TCF7L2: variants seen among roughly 807,000 people sequenced by gnomAD.
The protein encoded by TCF7L2 is transcription factor 7 like 2.
Under a neutral mutation model 77.9 loss-of-function variants are expected in TCF7L2, and 23 were observed. The ratio of observed to expected loss-of-function variants is 0.30; its 90% CI spans 0.21 to 0.42. The LOEUF (loss-of-function observed/expected upper bound fraction) is 0.42, where lower values mean the gene tolerates loss of function less well. Ranked by LOEUF, TCF7L2 falls within the 10% of genes least tolerant of loss-of-function variation. TCF7L2 has a pLI of 1.00. For synonymous variants in TCF7L2, 413 were observed against 340.2 expected, an observed-to-expected ratio of 1.21 and a Z score of -2.36; for missense variants, 654 against 793.1, an observed-to-expected ratio of 0.82 and a Z score of 2.11.
At position 113,165,859 on chromosome 10, in the gene TCF7L2, G is replaced by T. The variant is rs945443027; in HGVS notation, c.1696G>T (p.Ala566Ser). ...CCTGCCCCCAGCCGCTTTGCAGCCT[G>T]CCGCCCCCTCCTCATCAATTGCACA... Residue 566 changes from alanine (A) to serine (S), a missense_variant, in exon 14 of 14, where the codon GCC becomes TCC. Transcript: ENST00000627217. The T allele has an allele frequency of 1.3e-5, 21 of 1,607,078 alleles. No homozygotes were observed. In the South Asian group the frequency reaches 2.3e-4, roughly 18 times the overall value.
chr10:113,104,209 TA>T (rs945108125), intron 5 of TCF7L2, among the ~76,000 whole-genome samples: 1 of 152,176 alleles, frequency 6.6e-6, no homozygotes, highest in Non-Finnish European at 1.5e-5. Context: ...TTGCCTTTGT[TA>T]AAGGAGGAAC....
chr10:113,059,041 G>A (rs1396234780), intron 5 of TCF7L2, among the ~76,000 whole-genome samples: 1 of 152,134 alleles, frequency 6.6e-6, no homozygotes, highest in African/African-American at 2.4e-5. Flanking sequence ...GGTGGGAGTG[G>A]GGGATAAAAA....
chr10:112,966,184 T>TTATATTTATATATA (rs1554876897), intron 4 of TCF7L2, among the ~76,000 whole-genome samples: 4 of 114,280 alleles, frequency 3.5e-5, no homozygotes, highest in Admixed American at 1.6e-4. Context: ...TAAAATATAT[T>TTATATTTATATATA]TATATATATA....
chr10:113,081,298 A>G (rs1224669825), intron 5 of TCF7L2, among the ~76,000 whole-genome samples: 1 of 152,248 alleles, frequency 6.6e-6, no homozygotes, highest in Non-Finnish European at 1.5e-5. Context: ...TACAGCACAC[A>G]ACACGCACCA....
At chr10:113,040,169 G>A (rs202073111) in intron 5 of TCF7L2, 43 bp downstream of exon 5, 9 of 1,561,552 alleles carry the variant, frequency 5.8e-6, no homozygotes, top group Admixed American at 1.8e-5. Context: ...TATTGAGGGG[G>A]TGAAAAAGAA....
At chr10:113,069,260 C>T (rs1388418948) in intron 5 of TCF7L2, among the ~76,000 whole-genome samples, 1 of 150,580 alleles carries the variant, frequency 6.6e-6, no homozygotes, top group Non-Finnish European at 1.5e-5. Flanking sequence ...GACAGAGTCT[C>T]GCTCCTACAC....
chr10:113,107,752 T>TAAAAAAAACAAAAAAAA (rs2062556526), intron 5 of TCF7L2, among the ~76,000 whole-genome samples: 1 of 55,250 alleles, frequency 1.8e-5, no homozygotes, highest in Non-Finnish European at 3.4e-5. Context: ...AGACTCCGTC[T>TAAAAAAAACAAAAAAAA]AAAAAAAAAA....
At chr10:113,035,436 A>ATGAC (rs2051011397) in intron 4 of TCF7L2, among the ~76,000 whole-genome samples, 1 of 152,216 alleles carries the variant, frequency 6.6e-6, no homozygotes, top group South Asian at 2.1e-4. Flanking sequence ...TGAGTTAAGA[A>ATGAC]TGACTTTTTA....
chr10:113,004,363 T>A (rs2045110635), intron 4 of TCF7L2, among the ~76,000 whole-genome samples: 1 of 152,142 alleles, frequency 6.6e-6, no homozygotes, highest in Non-Finnish European at 1.5e-5. Context: ...GAGCTGCAGA[T>A]GGGTGTGGAA....
intron 4 of TCF7L2, among the ~76,000 whole-genome samples, chr10:112,978,592 G>A (rs975690219): frequency 4.7e-5 from 7 of 150,054 alleles, no homozygotes; most frequent in Non-Finnish European, 8.9e-5. Context: ...CAGCCCTCCC[G>A]AGTAGCTGGG....
intron 4 of TCF7L2, among the ~76,000 whole-genome samples, chr10:112,986,652 G>C (rs1449098266): frequency 6.6e-6 from 1 of 152,142 alleles, no homozygotes; most frequent in African/African-American, 2.4e-5. Context: ...GTTTCTCTCT[G>C]GTGGAAAAAT....
intron 5 of TCF7L2, among the ~76,000 whole-genome samples, chr10:113,088,245 G>C (rs574246393): frequency 1.3e-5 from 2 of 152,060 alleles, no homozygotes; most frequent in Non-Finnish European, 2.9e-5. Context: ...TATAGAGCCT[G>C]TTTATAGAGC....
chr10:113,144,104 G>C (rs968527898), intron 7 of TCF7L2, 79 bp downstream of exon 7: 12 of 69,950 alleles, frequency 1.7e-4, no homozygotes, highest in Non-Finnish European at 2.3e-4. Flanking sequence ...GTGTGTCTGT[G>C]TGTGTGTGTG....
At chr10:113,073,164 T>C (rs201916579) in intron 5 of TCF7L2, among the ~76,000 whole-genome samples, 5 of 116,110 alleles carry the variant, frequency 4.3e-5, no homozygotes, top group African/African-American at 6.8e-5. Flanking sequence ...GAGAGAGAGA[T>C]AGAGAGAAAC....
At chr10:113,022,056 A>G (rs77479915) in intron 4 of TCF7L2, among the ~76,000 whole-genome samples, 127 of 152,362 alleles carry the variant, frequency 8.3e-4, no homozygotes, top group Non-Finnish European at 1.6e-3. Context: ...AGAGGAGGAA[A>G]AAAAAATCAA....
intron 5 of TCF7L2, among the ~76,000 whole-genome samples, chr10:113,096,275 G>A (rs574983962): frequency 4.6e-5 from 7 of 152,266 alleles, no homozygotes; most frequent in East Asian, 1.9e-4. Context: ...CAAGGTAGAT[G>A]TTTGGAATTT....
At chr10:112,961,254 ACCC>A (rs372246814) in intron 3 of TCF7L2, among the ~76,000 whole-genome samples, 1 of 60,476 alleles carries the variant, frequency 1.7e-5, no homozygotes, top group Non-Finnish European at 2.7e-5. Context: ...ACCTCAGGTG[ACCC>A]CCCCCCCCCC....
chr10:113,094,853 T>C (rs1425647224), intron 5 of TCF7L2, among the ~76,000 whole-genome samples: 4 of 152,222 alleles, frequency 2.6e-5, no homozygotes, highest in Non-Finnish European at 5.9e-5. Flanking sequence ...GCACTGTGGC[T>C]CATGCCTGAA....
chr10:113,048,641 C>A (rs1247772562), intron 5 of TCF7L2, among the ~76,000 whole-genome samples: 1 of 152,204 alleles, frequency 6.6e-6, no homozygotes, highest in Non-Finnish European at 1.5e-5. Context: ...GCTAATCCAA[C>A]CTTATACATT....
Sources: allele counts gnomAD v4.1 joint callset (sites outside exome capture counted in the v4.1 genomes callset), GRCh38; gene constraint gnomAD v4.1.1; transcripts MANE v1.5; gene names NCBI Gene and HGNC (gene_info 2026-07-23, HGNC 2026-07-21).